The following CSGALNACT1 variants were observed in gnomAD, a reference collection of about 807,000 sequenced individuals.
The protein encoded by CSGALNACT1 is chondroitin sulfate N-acetylgalactosaminyltransferase 1, also known as beta4GalNAcT-1.
In CSGALNACT1, 52 loss-of-function variants were observed where a neutral mutation model predicts 51.0. The ratio of observed to expected loss-of-function variants is 1.02; its 90% CI spans 0.82 to 1.29. The LOEUF is 1.29. Ranked by LOEUF, CSGALNACT1 falls within the 50% of genes most tolerant of loss-of-function variation. The pLI is 0.00. For missense variants in CSGALNACT1, 935 were observed against 679.2 expected (o/e 1.38, Z -4.19); for synonymous variants, 341 against 254.4 (o/e 1.34, Z -3.24).
chr8:19,523,847 G>T (rs534936820), intron 3 of CSGALNACT1, among the ~76,000 whole-genome samples: 1 of 152,024 alleles, frequency 6.6e-6, no homozygotes, highest in Non-Finnish European at 1.5e-5. Flanking sequence ...AGTCATTCGC[G>T]ATATAAACAA....
At chr8:19,590,139 T>C (rs1418949954) in intron 3 of CSGALNACT1, among the ~76,000 whole-genome samples, 1 of 152,202 alleles carries the variant, frequency 6.6e-6, no homozygotes, top group African/African-American at 2.4e-5. Context: ...CTTTAGTTAT[T>C]TAACCCCTAA....
chr8:19,581,825 C>T (rs2045645974), intron 3 of CSGALNACT1, among the ~76,000 whole-genome samples: 1 of 152,198 alleles, frequency 6.6e-6, no homozygotes, highest in African/African-American at 2.4e-5. Context: ...TTACATTAGT[C>T]TCTTAACATG....
At chr8:19,522,098 G>C (rs557698726) in intron 3 of CSGALNACT1, among the ~76,000 whole-genome samples, 3 of 152,176 alleles carry the variant, frequency 2.0e-5, no homozygotes, top group Admixed American at 6.5e-5. Flanking sequence ...AGCACAGAAA[G>C]GCTTGTCTTA....
intron 4 of CSGALNACT1, among the ~76,000 whole-genome samples, chr8:19,465,024 C>G (rs2066358258): frequency 6.6e-6 from 1 of 152,064 alleles, no homozygotes; most frequent in Admixed American, 6.6e-5. Flanking sequence ...AAACAGGGGT[C>G]CTAACAGATA....
intron 9 of CSGALNACT1, among the ~76,000 whole-genome samples, chr8:19,406,942 C>T (rs1206938477): frequency 1.3e-5 from 2 of 152,228 alleles, no homozygotes; most frequent in Admixed American, 1.3e-4. Flanking sequence ...CTCCTGGCCT[C>T]AAGTGATCTG....
intron 4 of CSGALNACT1, among the ~76,000 whole-genome samples, chr8:19,486,485 A>G (rs1029847260): frequency 9.2e-5 from 14 of 151,602 alleles, no homozygotes; most frequent in Non-Finnish European, 7.4e-5. Context: ...CTCAGACCTC[A>G]TCTCCTCCTT....
chr8:19,461,052 T>C (rs185759236), intron 4 of CSGALNACT1, among the ~76,000 whole-genome samples: 79 of 152,314 alleles, frequency 5.2e-4, no homozygotes, highest in Non-Finnish European at 8.7e-4. Flanking sequence ...TTACAAGGAC[T>C]AAGTTCCCTT....
intron 1 of CSGALNACT1, among the ~76,000 whole-genome samples, chr8:19,616,412 A>T (rs545750853): frequency 6.6e-6 from 1 of 152,004 alleles, no homozygotes; most frequent in African/African-American, 2.4e-5. Context: ...AGAAAAAAAA[A>T]TTGTAGAATC....
At chr8:19,680,500 C>T (rs2060516745) in intron 1 of CSGALNACT1, among the ~76,000 whole-genome samples, 1 of 144,320 alleles carries the variant, frequency 6.9e-6, no homozygotes, top group African/African-American at 2.5e-5. Flanking sequence ...AGGTTGCAGT[C>T]AGCAGAGATC....
At chr8:19,487,928 G>C (rs143480684) in intron 4 of CSGALNACT1, among the ~76,000 whole-genome samples, 146 of 152,168 alleles carry the variant, frequency 9.6e-4, no homozygotes, top group Middle Eastern at 6.8e-3. Context: ...AAGTGATATT[G>C]ATATTAACCC....
chr8:19,612,209 G>A (rs2052356361), intron 1 of CSGALNACT1, among the ~76,000 whole-genome samples: 1 of 152,068 alleles, frequency 6.6e-6, no homozygotes, highest in Admixed American at 6.5e-5. Flanking sequence ...AGAGCGTGAT[G>A]GCACATGCCT....
chr8:19,667,036 G>GAAAGAAAGA (rs1564386834), intron 1 of CSGALNACT1, among the ~76,000 whole-genome samples: 1 of 28,458 alleles, frequency 3.5e-5, no homozygotes, highest in Non-Finnish European at 6.5e-5. Context: ...AGGAAGGAAG[G>GAAAGAAAGA]AAGGAAGAAA....
chr8:19,588,988 G>C (rs2047238965), intron 3 of CSGALNACT1, among the ~76,000 whole-genome samples: 1 of 152,196 alleles, frequency 6.6e-6, no homozygotes, highest in African/African-American at 2.4e-5. Context: ...CAATCACTGA[G>C]TGGGCCCAGG....
At chr8:19,666,804 A>AAAGG (rs2059240595) in intron 1 of CSGALNACT1, among the ~76,000 whole-genome samples, 2 of 22,318 alleles carry the variant, frequency 9.0e-5, no homozygotes, top group African/African-American at 6.4e-4. Context: ...AGAAAGAAAG[A>AAAGG]AAGAAAGAGA....
At chr8:19,542,941 T>G (rs1399482722) in intron 3 of CSGALNACT1, among the ~76,000 whole-genome samples, 1 of 152,120 alleles carries the variant, frequency 6.6e-6, no homozygotes, top group Admixed American at 6.6e-5. Flanking sequence ...AATAATGAAA[T>G]ATCAGAGAGG....
At chr8:19,433,082 T>A (rs1342324022) in intron 6 of CSGALNACT1, among the ~76,000 whole-genome samples, 1 of 152,218 alleles carries the variant, frequency 6.6e-6, no homozygotes, top group Non-Finnish European at 1.5e-5. Flanking sequence ...CTCCCAGGTT[T>A]TTTGTTGTTT....
intron 2 of CSGALNACT1, among the ~76,000 whole-genome samples, chr8:19,599,033 G>A (rs1564207685): frequency 2.0e-5 from 3 of 152,088 alleles, no homozygotes; most frequent in Non-Finnish European, 1.5e-5. Flanking sequence ...GAGAGAGTGT[G>A]GACACCAACA....
chr8:19,423,559 A>G lies in CSGALNACT1; in HGVS notation c.954-3041T>C, dbSNP rs564724838. On this transcript the variant is annotated intron_variant, in intron 6 of 9. Transcript: ENST00000454498. ...CCTCTGCTGCAACAGAGGATTGGGT[A>G]CAGGATGGGCTTCCTGTCATAGTCA... Among the ~76,000 whole-genome samples, 5 of 152,314 alleles carry G rather than the reference A, an allele frequency of 3.3e-5. No homozygotes were observed. The South Asian group carries it at 1.0e-3, about 32-fold the overall frequency.
chr8:19,625,404 C>T (rs2054318762), intron 1 of CSGALNACT1, among the ~76,000 whole-genome samples: 1 of 152,146 alleles, frequency 6.6e-6, no homozygotes, highest in Non-Finnish European at 1.5e-5. Context: ...GAAACTGAAG[C>T]ATAGAGCTAT....
Sources: allele counts gnomAD v4.1 joint callset (sites outside exome capture counted in the v4.1 genomes callset), GRCh38; gene constraint gnomAD v4.1.1; transcripts MANE v1.5; gene names NCBI Gene and HGNC (gene_info 2026-07-23, HGNC 2026-07-21).